SIGLEC11: variants seen among roughly 807,000 people sequenced by gnomAD.
SIGLEC11 encodes the protein sialic acid-binding Ig-like lectin 11.
In SIGLEC11, 47 loss-of-function variants were observed where a neutral mutation model predicts 61.2. The ratio of observed to expected loss-of-function variants is 0.77; its 90% confidence interval spans 0.61 to 0.98. The LOEUF (loss-of-function observed/expected upper bound fraction) is 0.98, where lower values mean the gene tolerates loss of function less well. SIGLEC11 is among the 50% of genes least tolerant of loss of function. The pLI, the probability that SIGLEC11 is intolerant of heterozygous loss-of-function variation, is 0.00. For synonymous variants in SIGLEC11, 278 were observed against 373.1 expected (o/e 0.75, Z 2.94); for missense variants, 610 against 870.3 (o/e 0.70, Z 3.76).
intron 8 of SIGLEC11, among the ~76,000 whole-genome samples, chr19:49,954,642 T>A (rs539871647): frequency 1.3e-5 from 2 of 152,310 alleles, no homozygotes; most frequent in East Asian, 3.9e-4. Context: ...CCTCAAGCTC[T>A]TATAGATCTG....
At chr19:49,953,500 C>G (rs1199675861) in intron 8 of SIGLEC11, among the ~76,000 whole-genome samples, 1 of 152,232 alleles carries the variant, frequency 6.6e-6, no homozygotes, top group East Asian at 1.9e-4. Flanking sequence ...GGCTTACCAC[C>G]CTAATTAGGA....
In SIGLEC11 at chr19:49,949,724, C is replaced by A; in HGVS notation, c.*246G>T. ...TGGCATGGTGGCTCACAATTGTAGT[C>A]CCAGCTACTTGGGAGGCTGAAATGG... is the stretch of plus-strand genomic sequence containing the variant. On this transcript the variant is annotated 3_prime_UTR_variant, in exon 11 of 11. Transcript: ENST00000447370. 3.1e-6 allele frequency: 1 copy of A among 323,026 alleles called. No homozygotes were observed. The highest frequency in any genetic ancestry group is 5.6e-6 in the Non-Finnish European group (1 of 178,888). 20.0% of individuals were successfully genotyped at this position (323,026 alleles called of 1,614,324 possible).
rs1295579357 is a variant in SIGLEC11, at chr19:49,955,803, C to T, written c.1651+2480G>A. Among the ~76,000 whole-genome samples, 2 of 151,950 alleles carry T rather than the reference C, an allele frequency of 1.3e-5. No individual in the cohort carries two copies. Among genetic ancestry groups the T allele is most frequent in the African/African-American group, 4.8e-5 (2 of 41,390 alleles). On this transcript the variant is annotated intron_variant, in intron 8 of 10. Transcript: ENST00000447370. The surrounding 1 kb of genome is among the most constrained non-coding windows in gnomAD (Gnocchi z 4.5). ...CAAAAAAATTAGCCGGGCTTGGTGG[C>T]GGGCGCCTGTAGTCCCAGCTACTCG...
chr19:49,950,345 C>T, intron 10 of SIGLEC11, 109 bp from the exon 11 acceptor site: 1 of 1,223,796 alleles, frequency 8.2e-7, no homozygotes. Context: ...TTCACCTACT[C>T]ATTCCACAAA....
Position 49,951,398 on chromosome 19 carries a change from TCAC to T in SIGLEC11, c.1830+490_1830+492del, listed in dbSNP as rs1326768622. On this transcript the variant is annotated intron_variant, in intron 10 of 10. Transcript: ENST00000447370. This position sits in a 1 kb window ranked among gnomAD's most constrained non-coding sequence, Gnocchi z 4.6. ...CATCTGTATCGGTCACTATAAACCA[TCAC>T]CACGAGGATCACAGCTCTCAGTGAG... Among the ~76,000 whole-genome samples the T allele has an allele frequency of 6.6e-6, 1 of 152,142 alleles. No individual in the cohort carries two copies. The highest frequency in any genetic ancestry group is 1.5e-5 in the Non-Finnish European group (1 of 68,012).
At position 49,949,613 on chromosome 19, in the gene SIGLEC11, G is replaced by A. The variant is rs562215610; in HGVS notation, c.*357C>T. 10 of 161,924 alleles carry A rather than the reference G, an allele frequency of 6.2e-5. No homozygotes were observed. Among genetic ancestry groups the A allele is most frequent in the Non-Finnish European group, 6.7e-5 (5 of 74,720 alleles). 10.0% of individuals were successfully genotyped at this position (161,924 alleles called of 1,614,324 possible). A position where few individuals can be genotyped will look rare whatever the true frequency, so the allele number is the denominator to read the frequency against. On this transcript the variant is annotated 3_prime_UTR_variant, in exon 11 of 11. Coordinates refer to ENST00000447370, the MANE Select transcript of SIGLEC11 (RefSeq NM_052884.3). ...TCCCAGCACTTTGGGAGGCAGAGGC[G>A]GGCAGATTGCTTGAGCCCAGGAGTC...
chr19:49,957,462 G>A (rs997708013), intron 8 of SIGLEC11, among the ~76,000 whole-genome samples: 3 of 150,844 alleles, frequency 2.0e-5, no homozygotes, highest in African/African-American at 4.9e-5. Context: ...AAATAACACT[G>A]TTTAAAAAGC....
At chr19:49,959,231 C>G in intron 5 of SIGLEC11, 129 bp downstream of exon 5, 1 of 1,465,798 alleles carries the variant, frequency 6.8e-7, no homozygotes, top group East Asian at 2.3e-5. Context: ...GCATGAGGGT[C>G]TACACAGGTA....
chr19:49,958,564 G>A lies in SIGLEC11; in HGVS notation c.1370C>T (p.Pro457Leu), dbSNP rs1280506900. The change falls in exon 8 of 11, where the codon CCA becomes CTA. Residue 457 changes from proline (P) to leucine (L), a missense_variant. Around this residue, in one of 6 missense-constraint regions of SIGLEC11, gnomAD observed 432 missense variants for 441.5 expected, o/e 0.98. Coordinates refer to ENST00000447370, the MANE Select transcript of SIGLEC11 (RefSeq NM_052884.3). ...VSLSLSVHYP[P>L]QLLGPSCSWE... ...GGAGCAGGAGGGGCCCAGCAGCTGT[G>A]GAGGGTCTGTGGGGAGGGAGGACAG... 1 of 1,575,424 alleles carries A rather than the reference G, an allele frequency of 6.3e-7. No homozygotes were observed. Among genetic ancestry groups the A allele is most frequent in the Non-Finnish European group, 8.6e-7 (1 of 1,162,018 alleles).
chr19:49,955,314 C>CAAAAAA lies in SIGLEC11; in HGVS notation c.1652-2926_1652-2921dup, dbSNP rs71180665. 2.0e-5 allele frequency among the ~76,000 whole-genome samples: 2 copies of CAAAAAA among 102,544 alleles called. No individual in the cohort carries two copies. Among genetic ancestry groups the CAAAAAA allele is most frequent in the Admixed American group, 9.6e-5 (1 of 10,370 alleles). The allele number at this position is 102,544 out of a possible 152,430, so 67.3% of individuals were successfully genotyped here. On this transcript the variant is annotated intron_variant, in intron 8 of 10. Coordinates refer to ENST00000447370, the MANE Select transcript of SIGLEC11 (RefSeq NM_052884.3). The surrounding 1 kb of genome is among the most constrained non-coding windows in gnomAD (Gnocchi z 4.5). The stretch of plus-strand genomic sequence containing the variant: ...CGGGGACTGGCCCCAGAAAAAAAGC[C>CAAAAAA]AAAAAAAAAAAAAAAAAGAAAGGCA...
At chr19:49,954,710 C>T (rs2076183955) in intron 8 of SIGLEC11, among the ~76,000 whole-genome samples, 1 of 152,136 alleles carries the variant, frequency 6.6e-6, no homozygotes, top group African/African-American at 2.4e-5. Context: ...GCAGCTTTTC[C>T]TAACGTTATT....
Position 49,955,569 on chromosome 19 carries a change from A to G in SIGLEC11, c.1651+2714T>C, listed in dbSNP as rs2076190225. On this transcript the variant is annotated intron_variant, in intron 8 of 10. Coordinates refer to ENST00000447370, the MANE Select transcript of SIGLEC11 (RefSeq NM_052884.3). The surrounding 1 kb of genome is among the most constrained non-coding windows in gnomAD (Gnocchi z 4.5). ...GCCAGCTGTAGGAGCAGGATAACTC[A>G]GGAAGGAAAAAGGAAGCAGAACATA... Among the ~76,000 whole-genome samples the G allele has an allele frequency of 6.6e-6, 1 of 152,234 alleles. No individual in the cohort carries two copies. Among genetic ancestry groups the G allele is most frequent in the Non-Finnish European group, 1.5e-5 (1 of 68,036 alleles).
rs1384552279 is a variant in SIGLEC11, at chr19:49,951,485, T to C, written c.1830+406A>G. ...AGTGGTCGTGGGGACCCCACAACTG[T>C]GGTTGGTGTCAGAAGTGAGGATGGG... On this transcript the variant is annotated intron_variant, in intron 10 of 10. Coordinates refer to ENST00000447370, the MANE Select transcript of SIGLEC11 (RefSeq NM_052884.3). The surrounding 1 kb of genome is among the most constrained non-coding windows in gnomAD (Gnocchi z 4.6). Among the ~76,000 whole-genome samples the C allele has an allele frequency of 1.3e-5, 2 of 151,988 alleles. No homozygotes were observed. Among genetic ancestry groups the C allele is most frequent in the Non-Finnish European group, 2.9e-5 (2 of 67,956 alleles).
rs1268290578 is a variant in SIGLEC11 at position 49,952,477 on chromosome 19, G to A, written c.1652-83C>T. 44 of 966,298 alleles carry A rather than the reference G, an allele frequency of 4.6e-5. 1 individual carries two copies. The highest frequency in any genetic ancestry group is 5.1e-5 in the Non-Finnish European group (33 of 652,612). The allele number at this position is 966,298 out of a possible 1,614,324, so 59.9% of individuals were successfully genotyped here. On this transcript the variant is annotated intron_variant, in intron 8 of 10. Coordinates refer to ENST00000447370, the MANE Select transcript of SIGLEC11 (RefSeq NM_052884.3). The stretch of plus-strand genomic sequence containing the variant: ...TTCCTCCCACAGACCTAGAGCTCTC[G>A]GATTCTTCATCCCCAACTGAGGCAG...
chr19:49,960,439 T>G lies in SIGLEC11; in HGVS notation c.461-18A>C. Reference sequence around the variant, plus strand: ...AGTCAGGGCTGGGACAGAGACCGGGTGGGAGATTCTTGTGCTGCAGGGGTC... The same window carrying G: ...AGTCAGGGCTGGGACAGAGACCGGGGGGGAGATTCTTGTGCTGCAGGGGTC... On this transcript the variant is annotated intron_variant, in intron 2 of 10. Transcript: ENST00000447370. 6.3e-7 allele frequency: 1 copy of G among 1,591,694 alleles called. No individual in the cohort carries two copies. Among genetic ancestry groups the G allele is most frequent in the Non-Finnish European group, 8.5e-7 (1 of 1,175,808 alleles).
Position 49,958,831 on chromosome 19 carries a change from A to G in SIGLEC11, c.1175T>C (p.Val392Ala). The change falls in exon 7 of 11, where the codon GTC becomes GCC. Residue 392 changes from valine (V) to alanine (A), a missense_variant. Physicochemically the swap from Val to Ala is moderately conservative, Grantham distance 64. This residue lies in a region of SIGLEC11 where 432 missense variants were observed against 441.5 expected (regional missense o/e 0.98). Transcript: ENST00000447370. ...CCTGGCTGGGGGGCTGCTGTGGGTG[A>G]CACAGACCAGGCGCAGGCTTTGGCC... ...LEGQSLRLVC[V>A]THSSPPARLS... The G allele has an allele frequency of 6.2e-7, 1 of 1,612,242 alleles. No individual in the cohort carries two copies. Among genetic ancestry groups the G allele is most frequent in the Non-Finnish European group, 8.5e-7 (1 of 1,179,042 alleles).
intron 8 of SIGLEC11, among the ~76,000 whole-genome samples, chr19:49,956,020 G>T (rs1040473653): frequency 2.1e-4 from 32 of 151,984 alleles, no homozygotes; most frequent in African/African-American, 7.3e-4. Flanking sequence ...CACTCCTTTA[G>T]CAGAAAACCT....
In SIGLEC11 at chr19:49,952,420, G is replaced by A. The variant is rs758600943; in HGVS notation, c.1652-26C>T. The stretch of plus-strand genomic sequence containing the variant: ...CTGCATGGGAGCAGGGTTTGGGGTG[G>A]TGCCCTCCTGGCCCTGAGACCCTCC... On this transcript the variant is annotated intron_variant, in intron 8 of 10. Transcript: ENST00000447370. 8.2e-6 allele frequency: 13 copies of A among 1,581,324 alleles called. No individual in the cohort carries two copies. The East Asian group carries it at 2.5e-4, about 30-fold the overall frequency.
chr19:49,959,236 C>G (rs1227916049), intron 5 of SIGLEC11, 124 bp downstream of exon 5: 13 of 1,485,808 alleles, frequency 8.7e-6, no homozygotes, highest in Non-Finnish European at 1.2e-5. Context: ...AGGGTCTACA[C>G]AGGTAAGAAG....
Sources: gnomAD v4.1 joint callset for allele counts (sites outside exome capture counted in the v4.1 genomes callset) on GRCh38, gnomAD v4.1.1 for gene constraint, gnomAD v4.1.1 regional missense constraint, Gnocchi (gnomAD v3.1) non-coding constraint, MANE v1.5 for transcripts, NCBI Gene and HGNC (gene_info 2026-07-23, HGNC 2026-07-21) for gene names.